Variants in ADAMTS12 observed in about 807,000 individuals in gnomAD.
The protein encoded by ADAMTS12 is ADAM metallopeptidase with thrombospondin type 1 motif 12.
ADAMTS12 carries 118 observed loss-of-function variants against 167.8 expected under a neutral mutation model. That is an observed-to-expected ratio of 0.70 (90% CI 0.61 to 0.82). The LOEUF is 0.82. Ranked by LOEUF, ADAMTS12 falls within the 40% of genes least tolerant of loss-of-function variation. The probability of loss-of-function intolerance (pLI) is 0.00; values close to 1 mark genes in which losing one functional copy is unlikely to be tolerated. For missense variants in ADAMTS12, 1,916 were observed against 1,998.8 expected (o/e 0.96, Z 0.79); for synonymous variants, 704 against 716.9 (o/e 0.98, Z 0.29).
chr5:33,549,296 A>G lies in ADAMTS12; in HGVS notation c.4213T>C (p.Cys1405Arg). ...GGAGGAATGCCGGCCAGGAACTGGCAGTGAAATGGCCTCAGGTTCCGGTGG... is the reference window on the plus strand; with the variant it reads ...GGAGGAATGCCGGCCAGGAACTGGCGGTGAAATGGCCTCAGGTTCCGGTGG... ...RDHRNLRPFHCQFLAGIPPPL... is the reference protein window; with the variant it reads ...RDHRNLRPFHRQFLAGIPPPL... The change falls in exon 21 of 24, where the codon TGC becomes CGC. Residue 1405 changes from cysteine to arginine, a missense_variant. Cys to Arg is a radical substitution (Grantham distance 180). Transcript: ENST00000504830. 5 of 1,614,200 alleles carry G rather than the reference A, an allele frequency of 3.1e-6. No individual in the cohort carries two copies. Among genetic ancestry groups the G allele is most frequent in the Non-Finnish European group, 4.2e-6 (5 of 1,180,040 alleles).
chr5:33,626,366 T>C (rs1357252345), intron 13 of ADAMTS12, among the ~76,000 whole-genome samples: 1 of 145,144 alleles, frequency 6.9e-6, no homozygotes, highest in Non-Finnish European at 1.5e-5. Context: ...GTGATGGTGG[T>C]GGTGGTGATG....
At chr5:33,745,098 A>C (rs1744733268) in intron 3 of ADAMTS12, among the ~76,000 whole-genome samples, 1 of 152,218 alleles carries the variant, frequency 6.6e-6, no homozygotes, top group South Asian at 2.1e-4. Context: ...CATTGCAGGC[A>C]TGAACTGCTG....
chr5:33,569,399 C>A (rs1561132568), intron 19 of ADAMTS12, among the ~76,000 whole-genome samples: 1 of 152,202 alleles, frequency 6.6e-6, no homozygotes, highest in East Asian at 1.9e-4. Context: ...TGAGACAAAA[C>A]TTCCAGAGGA....
intron 2 of ADAMTS12, among the ~76,000 whole-genome samples, chr5:33,835,907 ATCTCTCTCTCTCTC>A (rs60393220): frequency 1.8e-5 from 2 of 111,798 alleles, no homozygotes; most frequent in Admixed American, 1.8e-4. Context: ...GATAATATCC[ATCTCTCTCTCTCTC>A]TCTCTCTCTC....
chr5:33,524,676 G>A lies in ADAMTS12; in HGVS notation c.*2512C>T, dbSNP rs1213432323. 3 of 152,200 alleles carry A rather than the reference G, an allele frequency of 2.0e-5. No individual in the cohort carries two copies. Among genetic ancestry groups the A allele is most frequent in the African/African-American group, 4.8e-5 (2 of 41,440 alleles). 9.4% of individuals were successfully genotyped at this position (152,200 alleles called of 1,614,324 possible). A position where few individuals can be genotyped will look rare whatever the true frequency, so the allele number is the denominator to read the frequency against. On this transcript the variant is annotated 3_prime_UTR_variant, in exon 24 of 24. Transcript: ENST00000504830. ...CAAAATACTGACGACTCATCACTGA[G>A]TGATCGCCAAGGCAACAGATGATAC...
At chr5:33,673,486 C>G (rs980007768) in intron 5 of ADAMTS12, among the ~76,000 whole-genome samples, 1 of 152,024 alleles carries the variant, frequency 6.6e-6, no homozygotes, top group Admixed American at 6.6e-5. Context: ...GTCTTGTTAT[C>G]CCCCTCTCCT....
chr5:33,812,319 AG>A (rs1481357297), intron 2 of ADAMTS12, among the ~76,000 whole-genome samples: 2 of 152,178 alleles, frequency 1.3e-5, no homozygotes, highest in Non-Finnish European at 2.9e-5. Context: ...AGTGATTGTG[AG>A]TAGGACAGAT....
rs1426385321 is a variant in ADAMTS12 at position 33,641,792 on chromosome 5, A to C, written c.1718+18T>G. 6.3e-7 allele frequency: 1 copy of C among 1,584,180 alleles called. No homozygotes were observed. The highest frequency in any genetic ancestry group is 8.6e-7 in the Non-Finnish European group (1 of 1,160,238). ...CAGCACATGTGGAGAGAAGGGAAATATATTTATCTGGACTCACTCGGGGTT... is the reference window on the plus strand; with the variant it reads ...CAGCACATGTGGAGAGAAGGGAAATCTATTTATCTGGACTCACTCGGGGTT... On this transcript the variant is annotated intron_variant, in intron 11 of 23. Transcript: ENST00000504830.
intron 3 of ADAMTS12, among the ~76,000 whole-genome samples, chr5:33,696,190 G>T (rs947698368): frequency 6.6e-6 from 1 of 152,038 alleles, no homozygotes; most frequent in African/African-American, 2.4e-5. Flanking sequence ...GGGAGGCCAA[G>T]TCGGGCAGAT....
At position 33,846,086 on chromosome 5, in the gene ADAMTS12, T is replaced by C. The variant is rs77271974; in HGVS notation, c.489+35033A>G. 7.6e-3 allele frequency among the ~76,000 whole-genome samples: 1,152 copies of C among 152,242 alleles called. 13 individuals are homozygous for C. Among genetic ancestry groups the C allele is most frequent in the African/African-American group, 0.027 (1,104 of 41,502 alleles). The stretch of plus-strand genomic sequence containing the variant: ...TTTGAGGGGACAAATATCCAAACTG[T>C]ATCATGTGCACAATCTGAATCAAAT... On this transcript the variant is annotated intron_variant, in intron 2 of 23. Transcript: ENST00000504830.
At chr5:33,753,422 G>T (rs757132609) in intron 2 of ADAMTS12, among the ~76,000 whole-genome samples, 2 of 152,092 alleles carry the variant, frequency 1.3e-5, no homozygotes, top group South Asian at 2.1e-4. Flanking sequence ...CTGAGATTTG[G>T]TTCCGTTTCT....
intron 2 of ADAMTS12, among the ~76,000 whole-genome samples, chr5:33,763,393 C>G (rs1262040210): frequency 1.3e-5 from 2 of 152,060 alleles, no homozygotes; most frequent in Non-Finnish European, 2.9e-5. Flanking sequence ...AAGGTGACCT[C>G]TAGAAAATGA....
intron 9 of ADAMTS12, among the ~76,000 whole-genome samples, chr5:33,648,576 C>T (rs1379576258): frequency 1.3e-5 from 2 of 152,162 alleles, no homozygotes; most frequent in Non-Finnish European, 2.9e-5. Context: ...CTGAAAATCA[C>T]TATGGAGCTG....
At chr5:33,805,037 C>T (rs1450558843) in intron 2 of ADAMTS12, among the ~76,000 whole-genome samples, 1 of 152,188 alleles carries the variant, frequency 6.6e-6, no homozygotes, top group African/African-American at 2.4e-5. Context: ...GAGTGAGCAT[C>T]ATGAAGTCTG....
chr5:33,838,725 G>T (rs1250105299), intron 2 of ADAMTS12, among the ~76,000 whole-genome samples: 2 of 152,034 alleles, frequency 1.3e-5, no homozygotes, highest in Non-Finnish European at 2.9e-5. Context: ...GAAGTGGAGA[G>T]AGGGAGAAGA....
At chr5:33,823,133 A>C (rs1340897555) in intron 2 of ADAMTS12, among the ~76,000 whole-genome samples, 1 of 152,002 alleles carries the variant, frequency 6.6e-6, no homozygotes, top group Non-Finnish European at 1.5e-5. Flanking sequence ...GAAATACAAA[A>C]AATACAAAGC....
chr5:33,644,870 G>A (rs1212051394), intron 9 of ADAMTS12, among the ~76,000 whole-genome samples: 1 of 151,926 alleles, frequency 6.6e-6, no homozygotes, highest in African/African-American at 2.4e-5. Context: ...AGCTGGGACT[G>A]CAGACACCCG....
intron 3 of ADAMTS12, among the ~76,000 whole-genome samples, chr5:33,702,849 C>T (rs970256051): frequency 2.6e-5 from 4 of 152,146 alleles, no homozygotes; most frequent in African/African-American, 9.7e-5. Flanking sequence ...ATGTAGGACC[C>T]TCATGCCTTG....
At chr5:33,712,186 C>T (rs191918132) in intron 3 of ADAMTS12, among the ~76,000 whole-genome samples, 65 of 152,228 alleles carry the variant, frequency 4.3e-4, no homozygotes, top group Middle Eastern at 3.4e-3. Context: ...TAAATACTTA[C>T]TAAATGTTAA....
Sources: allele counts gnomAD v4.1 joint callset (sites outside exome capture counted in the v4.1 genomes callset), GRCh38; gene constraint gnomAD v4.1.1; transcripts MANE v1.5; gene names NCBI Gene and HGNC (gene_info 2026-07-23, HGNC 2026-07-21).